The following ARB2A variants were observed in gnomAD, a reference collection of about 807,000 sequenced individuals.
ARB2A encodes the protein ARB2 cotranscriptional regulator A, also known as cotranscriptional regulator ARB2A.
the ARB2A span, among the ~76,000 whole-genome samples, chr5:93,667,226 T>C: frequency 6.6e-6 from 1 of 152,320 alleles, no homozygotes; most frequent in African/African-American, 2.4e-5. Flanking sequence ...CATCCTCCTT[T>C]AGGCTGAAAC....
the ARB2A span, among the ~76,000 whole-genome samples, chr5:94,059,598 G>A: frequency 2.4e-5 from 3 of 124,092 alleles, no homozygotes; most frequent in African/African-American, 8.7e-5. Context: ...TCCAGCCTGG[G>A]TGACAGAGTG....
the ARB2A span, among the ~76,000 whole-genome samples, chr5:93,634,216 C>T: frequency 2.0e-5 from 3 of 151,854 alleles, no homozygotes; most frequent in African/African-American, 7.3e-5. Flanking sequence ...TCCTGGCCAA[C>T]ACCTGAAACC....
At chr5:94,074,108 C>G in the ARB2A span, among the ~76,000 whole-genome samples, 7 of 152,120 alleles carry the variant, frequency 4.6e-5, no homozygotes, top group African/African-American at 1.7e-4. Flanking sequence ...CCATAGCTAT[C>G]TCACAATTCA....
chr5:93,871,078 G>A, the ARB2A span, among the ~76,000 whole-genome samples: 1 of 152,140 alleles, frequency 6.6e-6, no homozygotes, highest in Non-Finnish European at 1.5e-5. Flanking sequence ...TCCCATTCAA[G>A]AAAAACAACT....
chr5:93,858,472 T>A, the ARB2A span, among the ~76,000 whole-genome samples: 1 of 152,218 alleles, frequency 6.6e-6, no homozygotes, highest in Non-Finnish European at 1.5e-5. Flanking sequence ...CCTGCTCACC[T>A]CACTTCTTAA....
the ARB2A span, among the ~76,000 whole-genome samples, chr5:94,007,124 G>A: frequency 2.4e-4 from 37 of 152,026 alleles, no homozygotes; most frequent in Middle Eastern, 6.8e-3. Flanking sequence ...TCCAGAAAAC[G>A]AAATCAAGTA....
At chr5:93,641,439 T>G in the ARB2A span, among the ~76,000 whole-genome samples, 24 of 152,262 alleles carry the variant, frequency 1.6e-4, no homozygotes, top group East Asian at 3.9e-3. Context: ...TGAATCCACT[T>G]ATAAGATTAA....
At chr5:93,776,638 C>G in the ARB2A span, among the ~76,000 whole-genome samples, 1 of 151,968 alleles carries the variant, frequency 6.6e-6, no homozygotes. Flanking sequence ...ATTAGCCTGG[C>G]GTGGTGGTGC....
chr5:93,971,609 T>TAAATAAATAAATAAAA, the ARB2A span, among the ~76,000 whole-genome samples: 1 of 150,282 alleles, frequency 6.7e-6, no homozygotes, highest in South Asian at 2.1e-4. Flanking sequence ...AATAAATAAA[T>TAAATAAATAAATAAAA]AAAACAAAAA....
At chr5:93,650,190 C>T in the ARB2A span, among the ~76,000 whole-genome samples, 1 of 150,754 alleles carries the variant, frequency 6.6e-6, no homozygotes, top group Non-Finnish European at 1.5e-5. Flanking sequence ...CAGAAACAGA[C>T]TTGAAGATGA....
At chr5:93,708,386 C>T in the ARB2A span, among the ~76,000 whole-genome samples, 129 of 152,218 alleles carry the variant, frequency 8.5e-4, 1 homozygote, top group African/African-American at 3.0e-3. Context: ...CTTGAAGGGT[C>T]CCCTACATCA....
At chr5:93,655,518 A>AT in the ARB2A span, among the ~76,000 whole-genome samples, 31 of 151,900 alleles carry the variant, frequency 2.0e-4, no homozygotes, top group Admixed American at 6.6e-5. Flanking sequence ...AGGGCTTGTT[A>AT]TTTTTTTCCT....
At chr5:93,847,386 A>G in the ARB2A span, among the ~76,000 whole-genome samples, 1 of 152,240 alleles carries the variant, frequency 6.6e-6, no homozygotes, top group Admixed American at 6.5e-5. Flanking sequence ...AGGGCACACC[A>G]AATGTTTCCT....
At chr5:93,839,374 G>A in the ARB2A span, among the ~76,000 whole-genome samples, 1 of 152,114 alleles carries the variant, frequency 6.6e-6, no homozygotes, top group Admixed American at 6.6e-5. Context: ...TTATGTTCTA[G>A]GGATGATGCC....
chr5:93,942,373 C>A, the ARB2A span, among the ~76,000 whole-genome samples: 1 of 152,032 alleles, frequency 6.6e-6, no homozygotes, highest in African/African-American at 2.4e-5. Flanking sequence ...TTTATATTTT[C>A]TCTCAAAGTT....
the ARB2A span, among the ~76,000 whole-genome samples, chr5:93,839,432 T>G: frequency 6.6e-6 from 1 of 152,158 alleles, no homozygotes; most frequent in Non-Finnish European, 1.5e-5. Flanking sequence ...TGGATTTGGT[T>G]TGCTAGTTGA....
the ARB2A span, chr5:94,050,806 A>G: frequency 4.3e-6 from 7 of 1,612,012 alleles, no homozygotes; most frequent in Admixed American, 5.0e-5. Context: ...ATGGTTCCCC[A>G]GTTTTTATGT....
At chr5:94,037,345 A>T in the ARB2A span, among the ~76,000 whole-genome samples, 1 of 152,178 alleles carries the variant, frequency 6.6e-6, no homozygotes, top group East Asian at 1.9e-4. Flanking sequence ...TTCTGGGCCA[A>T]TGGTCATTTC....
the ARB2A span, among the ~76,000 whole-genome samples, chr5:93,689,144 T>G: frequency 2.6e-5 from 4 of 152,196 alleles, no homozygotes; most frequent in Non-Finnish European, 4.4e-5. Flanking sequence ...AATACCGGAC[T>G]TTTTTTCGGT....
Sources: gnomAD v4.1 joint callset for allele counts (sites outside exome capture counted in the v4.1 genomes callset) on GRCh38, gnomAD v4.1.1 for gene constraint, MANE v1.5 for transcripts, NCBI Gene and HGNC (gene_info 2026-07-23, HGNC 2026-07-21) for gene names.